KANK1: variants seen among roughly 807,000 people sequenced by gnomAD.
KANK1 encodes the protein KN motif and ankyrin repeat domain-containing protein 1.
A neutral mutation model predicts 106.2 loss-of-function variants in KANK1; 109 were observed. The ratio of observed to expected loss-of-function variants is 1.03; its 90% CI spans 0.88 to 1.20. The LOEUF (loss-of-function observed/expected upper bound fraction) is 1.20. Among genes scored for constraint, KANK1 ranks in the 50% most tolerant of loss-of-function variants. The pLI is 0.00. For synonymous variants in KANK1, 873 were observed against 652.2 expected (o/e 1.34, Z -5.16); for missense variants, 2,399 against 1,710.7 (o/e 1.40, Z -7.10).
At chr9:573,756 C>T (rs554134528) in intron 1 of KANK1, among the ~76,000 whole-genome samples, 5 of 143,724 alleles carry the variant, frequency 3.5e-5, no homozygotes, top group African/African-American at 1.0e-4. Flanking sequence ...GGTTTGCTTT[C>T]GAAATCCTGA....
intron 1 of KANK1, among the ~76,000 whole-genome samples, chr9:520,931 T>G (rs2059516750): frequency 6.6e-6 from 1 of 151,782 alleles, no homozygotes; most frequent in Non-Finnish European, 1.5e-5. Flanking sequence ...TTTGTTTAAT[T>G]GCCTGATTTA....
chr9:702,282 C>A (rs1303817507), intron 2 of KANK1, among the ~76,000 whole-genome samples: 1 of 152,140 alleles, frequency 6.6e-6, no homozygotes, highest in African/African-American at 2.4e-5. Flanking sequence ...AGTTAGCAGG[C>A]CATCCACTTA....
At chr9:596,857 C>G (rs528687322) in intron 1 of KANK1, among the ~76,000 whole-genome samples, 1 of 151,886 alleles carries the variant, frequency 6.6e-6, no homozygotes, top group African/African-American at 2.4e-5. Context: ...ACATTTTTGT[C>G]ACTACAAAAG....
intron 1 of KANK1, among the ~76,000 whole-genome samples, chr9:591,641 T>C (rs1824910778): frequency 6.6e-6 from 1 of 151,658 alleles, no homozygotes; most frequent in Admixed American, 6.6e-5. Flanking sequence ...ACACACACAC[T>C]CTTTTGAGCA....
chr9:706,535 T>C (rs374669032), intron 2 of KANK1, among the ~76,000 whole-genome samples: 162 of 92,132 alleles, frequency 1.8e-3, no homozygotes, highest in African/African-American at 6.5e-3. Flanking sequence ...CTGAGTGCCC[T>C]TTTTTTACGT....
chr9:553,852 A>T (rs988283251), intron 1 of KANK1, among the ~76,000 whole-genome samples: 2 of 152,230 alleles, frequency 1.3e-5, no homozygotes, highest in Non-Finnish European at 2.9e-5. Context: ...AATTAAACCC[A>T]AATATAATGG....
At chr9:662,921 C>G (rs1186057541) in intron 1 of KANK1, among the ~76,000 whole-genome samples, 1 of 152,170 alleles carries the variant, frequency 6.6e-6, no homozygotes, top group Non-Finnish European at 1.5e-5. Context: ...CTTGGCCTCC[C>G]AAAGTCCTAG....
upstream of KANK1, among the ~76,000 whole-genome samples, chr9:503,393 C>CT (rs1301828816): frequency 6.6e-6 from 1 of 152,168 alleles, no homozygotes; most frequent in Non-Finnish European, 1.5e-5. Flanking sequence ...ATGAGCTTTC[C>CT]TGCCTTCACA....
intron 1 of KANK1, among the ~76,000 whole-genome samples, chr9:553,098 A>T (rs923394227): frequency 7.2e-5 from 11 of 152,168 alleles, no homozygotes; most frequent in Admixed American, 3.3e-4. Flanking sequence ...GTGAGCCATG[A>T]TTGTGTTACT....
intron 1 of KANK1, among the ~76,000 whole-genome samples, chr9:514,501 C>A (rs572314849): frequency 3.3e-5 from 5 of 150,740 alleles, no homozygotes; most frequent in Admixed American, 6.6e-5. Context: ...GGTATCCTTA[C>A]TTCTAATATC....
chr9:542,686 T>C (rs1587659816), intron 1 of KANK1, among the ~76,000 whole-genome samples: 1 of 152,222 alleles, frequency 6.6e-6, no homozygotes, highest in East Asian at 1.9e-4. Flanking sequence ...GTAAAGAAAA[T>C]GTGGTATATG....
chr9:612,621 G>A (rs951211700), intron 1 of KANK1, among the ~76,000 whole-genome samples: 1 of 152,162 alleles, frequency 6.6e-6, no homozygotes, highest in Non-Finnish European at 1.5e-5. Context: ...CTAGGAATGG[G>A]ACAAAGTACA....
intron 1 of KANK1, among the ~76,000 whole-genome samples, chr9:538,493 C>T (rs2060423465): frequency 6.6e-6 from 1 of 152,226 alleles, no homozygotes; most frequent in African/African-American, 2.4e-5. Context: ...CTAAGAGGCA[C>T]ATTCTGCCTC....
intron 1 of KANK1, among the ~76,000 whole-genome samples, chr9:525,953 T>C (rs2059771991): frequency 1.3e-5 from 2 of 151,884 alleles, no homozygotes; most frequent in South Asian, 4.1e-4. Flanking sequence ...ATCAGTTTGT[T>C]TCTGAAATTT....
intron 1 of KANK1, among the ~76,000 whole-genome samples, chr9:630,672 C>T (rs1488522665): frequency 6.6e-6 from 1 of 152,122 alleles, no homozygotes; most frequent in East Asian, 1.9e-4. Context: ...GAGGCCAAGG[C>T]GGTCAGATCA....
At chr9:720,753 C>T (rs1829097329) in intron 3 of KANK1, among the ~76,000 whole-genome samples, 1 of 152,194 alleles carries the variant, frequency 6.6e-6, no homozygotes, top group Non-Finnish European at 1.5e-5. Context: ...CAGCCTCAGC[C>T]CCTCAAAGTA....
chr9:576,484 A>G (rs1241728970), intron 1 of KANK1, among the ~76,000 whole-genome samples: 1 of 152,166 alleles, frequency 6.6e-6, no homozygotes, highest in Admixed American at 6.5e-5. Context: ...CCTCATGCCA[A>G]TCATATGCTT....
intron 1 of KANK1, among the ~76,000 whole-genome samples, chr9:604,337 G>A (rs769073002): frequency 2.6e-5 from 4 of 151,668 alleles, no homozygotes; most frequent in Non-Finnish European, 4.4e-5. Context: ...CCCACGTGTT[G>A]AGGGAGGGAC....
At chr9:593,732 CAG>C (rs1220941637) in intron 1 of KANK1, among the ~76,000 whole-genome samples, 5 of 151,922 alleles carry the variant, frequency 3.3e-5, no homozygotes, top group African/African-American at 1.2e-4. Context: ...CATCCCACGA[CAG>C]AGGAAGAAAT....
Sources: gnomAD v4.1 joint callset for allele counts (sites outside exome capture counted in the v4.1 genomes callset) on GRCh38, gnomAD v4.1.1 for gene constraint, MANE v1.5 for transcripts, NCBI Gene and HGNC (gene_info 2026-07-23, HGNC 2026-07-21) for gene names.